MEF2C: variants seen among roughly 807,000 people sequenced by gnomAD.
The protein encoded by MEF2C is myocyte-specific enhancer factor 2C.
In MEF2C, 6 loss-of-function variants were observed where a neutral mutation model predicts 50.5. The observed-to-expected ratio is 0.12, with a 90% CI of 0.07 to 0.23. MEF2C has a LOEUF of 0.23. Ranked by LOEUF, MEF2C falls within the 10% of genes least tolerant of loss-of-function variation. The pLI is 1.00. For synonymous variants in MEF2C, 183 were observed against 228.0 expected (o/e 0.80, Z 1.78); for missense variants, 276 against 605.0 (o/e 0.46, Z 5.70).
At chr5:88,741,124 T>G in intron 6 of MEF2C, 6 of 985,424 alleles carry the variant, frequency 6.1e-6, no homozygotes, top group Non-Finnish European at 7.2e-6. Flanking sequence ...CTTCCACCCT[T>G]GAGGATAGGA....
chr5:88,767,341 C>A (rs1780476767), intron 3 of MEF2C, among the ~76,000 whole-genome samples: 1 of 152,174 alleles, frequency 6.6e-6, no homozygotes, highest in African/African-American at 2.4e-5. Flanking sequence ...TTTAATAAAA[C>A]TGTAAGCATT....
At chr5:88,777,694 TA>T (rs542158077) in intron 3 of MEF2C, among the ~76,000 whole-genome samples, 2 of 152,158 alleles carry the variant, frequency 1.3e-5, no homozygotes, top group Non-Finnish European at 2.9e-5. Flanking sequence ...CATTTTCTGA[TA>T]AAAAATATTA....
At chr5:88,856,105 T>C (rs1823234461) in intron 1 of MEF2C, among the ~76,000 whole-genome samples, 1 of 152,168 alleles carries the variant, frequency 6.6e-6, no homozygotes, top group African/African-American at 2.4e-5. Context: ...CAGATGGAGA[T>C]GAGAAACTTG....
In MEF2C at chr5:88,865,996, C is replaced by T. The variant is rs548550572; in HGVS notation, c.-143+16959G>A. ...CTGCAAGCTCCGCCTCCTGGGTTCACGCCATTCTCCTGCCTCAGCCTCCCG... is the reference window on the plus strand; with the variant it reads ...CTGCAAGCTCCGCCTCCTGGGTTCATGCCATTCTCCTGCCTCAGCCTCCCG... On this transcript the variant is annotated intron_variant, in intron 1 of 10. Coordinates refer to ENST00000504921, the MANE Select transcript of MEF2C (RefSeq NM_002397.5). 2.6e-5 allele frequency among the ~76,000 whole-genome samples: 4 copies of T among 151,924 alleles called. No individual in the cohort carries two copies. In the East Asian group the frequency reaches 5.8e-4, roughly 22 times the overall value.
intron 3 of MEF2C, among the ~76,000 whole-genome samples, chr5:88,803,843 C>A (rs543978752): frequency 6.6e-6 from 1 of 151,998 alleles, no homozygotes; most frequent in Non-Finnish European, 1.5e-5. Context: ...AATGTTCCAG[C>A]CAAAACTGTA....
intron 1 of MEF2C, among the ~76,000 whole-genome samples, chr5:88,882,553 C>T (rs1833247061): frequency 6.6e-6 from 1 of 152,168 alleles, no homozygotes; most frequent in African/African-American, 2.4e-5. Context: ...GAGCATCTTT[C>T]CACAGTGAAC....
intron 4 of MEF2C, among the ~76,000 whole-genome samples, chr5:88,754,398 T>C (rs1774293143): frequency 6.6e-6 from 1 of 152,234 alleles, no homozygotes; most frequent in Non-Finnish European, 1.5e-5. Flanking sequence ...TTCATTATTC[T>C]CTCAGGTTTT....
intron 1 of MEF2C, among the ~76,000 whole-genome samples, chr5:88,829,427 T>A (rs1812174569): frequency 6.6e-6 from 1 of 151,928 alleles, no homozygotes; most frequent in Non-Finnish European, 1.5e-5. Context: ...TTTGCTTGTC[T>A]TCCTCAACAT....
At chr5:88,866,890 T>G (rs1827567169) in intron 1 of MEF2C, among the ~76,000 whole-genome samples, 1 of 152,198 alleles carries the variant, frequency 6.6e-6, no homozygotes, top group African/African-American at 2.4e-5. Context: ...CTGTTATACA[T>G]CTCACATTTT....
At chr5:88,785,202 CTA>C (rs1790233026) in intron 3 of MEF2C, 1 of 151,338 alleles carries the variant, frequency 6.6e-6, no homozygotes, top group Admixed American at 6.6e-5. Flanking sequence ...CACCCTGTTG[CTA>C]TGTTTGACCT....
At chr5:88,886,109 T>C (rs72773822), upstream of MEF2C, among the ~76,000 whole-genome samples, 1 of 152,088 alleles carries the variant, frequency 6.6e-6, no homozygotes, top group Non-Finnish European at 1.5e-5. Context: ...CCTCAGCAGA[T>C]TTAGCTTCTT....
intron 2 of MEF2C, among the ~76,000 whole-genome samples, chr5:88,819,613 C>A (rs900684252): frequency 6.6e-6 from 1 of 151,954 alleles, no homozygotes; most frequent in Non-Finnish European, 1.5e-5. Flanking sequence ...CTTTCTCCAA[C>A]CCTGATGTAA....
intron 6 of MEF2C, chr5:88,737,041 A>T (rs1174728915): frequency 9.1e-6 from 9 of 985,286 alleles, no homozygotes; most frequent in Non-Finnish European, 1.1e-5. Context: ...AGTTCTTTAT[A>T]TGTTTCAGGT....
chr5:88,834,713 CATT>C (rs961872728), intron 1 of MEF2C, among the ~76,000 whole-genome samples: 3 of 152,086 alleles, frequency 2.0e-5, no homozygotes, highest in Non-Finnish European at 4.4e-5. Context: ...TGGAGTCAGA[CATT>C]ATTTGGAGGA....
At chr5:88,842,498 A>G (rs1265143685) in intron 1 of MEF2C, among the ~76,000 whole-genome samples, 1 of 152,004 alleles carries the variant, frequency 6.6e-6, no homozygotes. Flanking sequence ...ATAATAAAAG[A>G]TAGTGGATTA....
At chr5:88,730,985 A>G (rs1400872974) in intron 7 of MEF2C, among the ~76,000 whole-genome samples, 1 of 152,232 alleles carries the variant, frequency 6.6e-6, no homozygotes, top group Non-Finnish European at 1.5e-5. Context: ...ATTTGGTCCC[A>G]TAACATTATC....
chr5:88,746,361 T>G, intron 6 of MEF2C: 2 of 267,626 alleles, frequency 7.5e-6, no homozygotes, highest in Non-Finnish European at 5.8e-6. Context: ...ATGCTTACCT[T>G]TTTGGTCTTT....
intron 6 of MEF2C, chr5:88,740,163 C>T: frequency 1.0e-6 from 1 of 984,846 alleles, no homozygotes; most frequent in Non-Finnish European, 1.2e-6. Context: ...TGGACCAGAG[C>T]TTCAGGAATT....
rs553236999 is a variant in MEF2C, at chr5:88,739,389, TAGAC to T, written c.638-7492_638-7489del. 3.1e-4 allele frequency: 303 copies of T among 980,602 alleles called. 1 individual carries two copies. In the South Asian group the frequency reaches 7.7e-3, roughly 25 times the overall value. 60.7% of individuals were successfully genotyped at this position (980,602 alleles called of 1,614,324 possible). A position where few individuals can be genotyped will look rare whatever the true frequency, so the allele number is the denominator to read the frequency against. On this transcript the variant is annotated intron_variant, in intron 6 of 10. Coordinates refer to ENST00000504921, the MANE Select transcript of MEF2C (RefSeq NM_002397.5). ...AAACAGTTACAGCATACTGGGTTGT[TAGAC>T]AGGAAATGTCACATACATAATAATG...
Sources: gnomAD v4.1 joint callset for allele counts (sites outside exome capture counted in the v4.1 genomes callset) on GRCh38, gnomAD v4.1.1 for gene constraint, MANE v1.5 for transcripts, NCBI Gene and HGNC (gene_info 2026-07-23, HGNC 2026-07-21) for gene names.